Variants in AFTPH observed in about 807,000 individuals in gnomAD.
AFTPH encodes the protein aftiphilin, also known as aftiphilin protein.
Under a neutral mutation model 72.5 loss-of-function variants are expected in AFTPH, and 7 were observed. The observed-to-expected ratio is 0.10, with a 90% CI of 0.05 to 0.18. AFTPH has a LOEUF of 0.18. AFTPH is among the 10% of genes least tolerant of loss of function. The probability of loss-of-function intolerance (pLI) is 1.00; values close to 1 mark genes in which losing one functional copy is unlikely to be tolerated. For missense variants in AFTPH, 979 were observed against 1,060.5 expected (o/e 0.92, Z 1.07); for synonymous variants, 337 against 370.1 (o/e 0.91, Z 1.03).
chr2:64,546,633 T>C (rs1398650518), intron 1 of AFTPH, among the ~76,000 whole-genome samples: 4 of 152,044 alleles, frequency 2.6e-5, no homozygotes, highest in African/African-American at 4.8e-5. Context: ...TACAAATAAA[T>C]TTTTTTTCTG....
exon 9 of AFTPH, chr2:64,592,080 C>G: frequency 1.3e-6 from 2 of 1,562,882 alleles, no homozygotes; most frequent in Non-Finnish European, 1.7e-6. Context: ...TTTTTTCCAT[C>G]CCTTCCCTAC....
At chr2:64,534,287 G>A (rs1669773095) in intron 1 of AFTPH, among the ~76,000 whole-genome samples, 1 of 151,892 alleles carries the variant, frequency 6.6e-6, no homozygotes, top group African/African-American at 2.4e-5. Context: ...TTTATAAAAA[G>A]CAATGAACTT....
intron 1 of AFTPH, among the ~76,000 whole-genome samples, chr2:64,527,724 A>G (rs925993883): frequency 6.6e-6 from 1 of 152,250 alleles, no homozygotes; most frequent in Admixed American, 6.5e-5. Context: ...TTAAAATACA[A>G]GGAGCTTCTA....
chr2:64,581,099 G>C (rs926676308), intron 7 of AFTPH, 91 bp from the exon 8 acceptor site: 4 of 750,966 alleles, frequency 5.3e-6, no homozygotes, highest in Non-Finnish European at 8.7e-6. Flanking sequence ...GCATGTTCAA[G>C]TGTGTGTCTT....
chr2:64,527,580 C>A (rs1241988670), intron 1 of AFTPH, among the ~76,000 whole-genome samples: 42 of 135,600 alleles, frequency 3.1e-4, no homozygotes, highest in South Asian at 4.7e-4. Context: ...AACATCATCT[C>A]AAAAAAAAAA....
chr2:64,541,622 C>A (rs1010400594), intron 1 of AFTPH, among the ~76,000 whole-genome samples: 3 of 151,988 alleles, frequency 2.0e-5, no homozygotes, highest in East Asian at 1.9e-4. Context: ...GTAGGCTGGG[C>A]AAATTCATTG....
intron 2 of AFTPH, among the ~76,000 whole-genome samples, chr2:64,557,538 G>A (rs1481041204): frequency 2.6e-5 from 4 of 152,172 alleles, no homozygotes; most frequent in Non-Finnish European, 5.9e-5. Context: ...CTGGAGTGCA[G>A]GTGCAATCTC....
chr2:64,545,216 A>G (rs1220356396), intron 1 of AFTPH, among the ~76,000 whole-genome samples: 1 of 152,142 alleles, frequency 6.6e-6, no homozygotes, highest in Non-Finnish European at 1.5e-5. Context: ...TATTATGAGC[A>G]TGTAAAATGG....
chr2:64,552,173 T>G, exon 2 of AFTPH: 2 of 1,613,978 alleles, frequency 1.2e-6, no homozygotes. Context: ...AATTTGCAGA[T>G]TTTGCCACAT....
At position 64,567,555 on chromosome 2, in the gene AFTPH, G is replaced by C. The variant is rs371492579; in HGVS notation, c.1936-7G>C. The C allele has an allele frequency of 1.3e-6, 2 of 1,594,334 alleles. No homozygotes were observed. The highest frequency in any genetic ancestry group is 2.7e-5 in the African/African-American group (2 of 73,666). ...AAAATAAACTTTTGGGGGGTGTTTT[G>C]ATGCAGACAGCTTTATTAAACCGCC... On this transcript the variant is annotated splice_polypyrimidine_tract_variant and splice_region_variant and intron_variant, in intron 2 of 8. Coordinates refer to ENST00000238856, the Ensembl canonical transcript of AFTPH.
intron 8 of AFTPH, among the ~76,000 whole-genome samples, chr2:64,587,073 A>T (rs2104248119): frequency 6.6e-6 from 1 of 152,316 alleles, no homozygotes; most frequent in African/African-American, 2.4e-5. Context: ...TGCCATTAGG[A>T]GGAGCTCTAA....
chr2:64,552,894 C>T (rs1558608328), exon 2 of AFTPH: 1 of 1,614,026 alleles, frequency 6.2e-7, no homozygotes, highest in Non-Finnish European at 8.5e-7. Context: ...TTTTAGTGAA[C>T]CAGGTGATGA....
intron 2 of AFTPH, among the ~76,000 whole-genome samples, chr2:64,563,964 G>T (rs1671896836): frequency 6.6e-6 from 1 of 152,104 alleles, no homozygotes; most frequent in South Asian, 2.1e-4. Context: ...GTTTCATAAT[G>T]CAATCAAGAT....
At chr2:64,586,291 C>T (rs1019185295) in intron 8 of AFTPH, among the ~76,000 whole-genome samples, 1 of 152,202 alleles carries the variant, frequency 6.6e-6, no homozygotes, top group African/African-American at 2.4e-5. Flanking sequence ...GCCAGCTCTG[C>T]TGTCTCAAAT....
At chr2:64,537,268 A>G (rs190033382) in intron 1 of AFTPH, among the ~76,000 whole-genome samples, 218 of 152,310 alleles carry the variant, frequency 1.4e-3, no homozygotes, top group African/African-American at 5.0e-3. Context: ...ACCAGAGCCT[A>G]CTTGAAGGTG....
chr2:64,538,469 T>C (rs528262105), intron 1 of AFTPH, among the ~76,000 whole-genome samples: 2 of 152,320 alleles, frequency 1.3e-5, no homozygotes, highest in East Asian at 3.9e-4. Context: ...CATACACTCT[T>C]GAGCACTATT....
chr2:64,557,763 A>G (rs923373647), intron 2 of AFTPH, among the ~76,000 whole-genome samples: 1 of 152,238 alleles, frequency 6.6e-6, no homozygotes, highest in Non-Finnish European at 1.5e-5. Flanking sequence ...GAAGTAAGCA[A>G]CAAAATAAGA....
chr2:64,524,567 C>G (rs1669129085), exon 1 of AFTPH: 1 of 398,956 alleles, frequency 2.5e-6, no homozygotes, highest in Non-Finnish European at 4.4e-6. Flanking sequence ...CAGTTCCTCC[C>G]CGGGCCCCTG....
chr2:64,525,354 G>A (rs1286567622), intron 1 of AFTPH, among the ~76,000 whole-genome samples: 1 of 152,154 alleles, frequency 6.6e-6, no homozygotes, highest in Non-Finnish European at 1.5e-5. Flanking sequence ...GAAAGTAATG[G>A]GGATAGCAAG....
Sources: gnomAD v4.1 joint callset for allele counts (sites outside exome capture counted in the v4.1 genomes callset) on GRCh38, gnomAD v4.1.1 for gene constraint, MANE v1.5 for transcripts, NCBI Gene and HGNC (gene_info 2026-07-23, HGNC 2026-07-21) for gene names.